Variants in CTNNA2 observed in about 807,000 individuals in gnomAD.
CTNNA2 encodes catenin alpha-2.
A neutral mutation model predicts 101.0 loss-of-function variants in CTNNA2; 42 were observed. The ratio of observed to expected loss-of-function variants is 0.42; its 90% CI spans 0.32 to 0.54. CTNNA2 has a LOEUF of 0.54. Ranked by LOEUF, CTNNA2 falls within the 20% of genes least tolerant of loss-of-function variation. CTNNA2 has a pLI of 0.14. For synonymous variants in CTNNA2, 450 were observed against 456.4 expected (o/e 0.99, Z 0.18); for missense variants, 871 against 1,223.1 (o/e 0.71, Z 4.29).
intron 1 of CTNNA2, among the ~76,000 whole-genome samples, chr2:79,190,415 C>T (rs1210701366): frequency 2.6e-5 from 4 of 151,978 alleles, no homozygotes; most frequent in Non-Finnish European, 5.9e-5. Context: ...TAAGTCTAAG[C>T]CCCATGTAAT....
At chr2:79,288,522 C>T (rs1289529519) in intron 2 of CTNNA2, among the ~76,000 whole-genome samples, 3 of 152,178 alleles carry the variant, frequency 2.0e-5, no homozygotes, top group African/African-American at 4.8e-5. Flanking sequence ...GTAGTTTCTA[C>T]TCTCACATTC....
intron 4 of CTNNA2, among the ~76,000 whole-genome samples, chr2:79,416,263 T>TTTTTTTC (rs1558662092): frequency 1.6e-4 from 13 of 82,478 alleles, no homozygotes; most frequent in African/African-American, 6.4e-4. Flanking sequence ...TTTTCTTTTT[T>TTTTTTTC]TTTTTTTTTT....
At chr2:79,322,313 C>G (rs1324068794) in intron 3 of CTNNA2, among the ~76,000 whole-genome samples, 1 of 152,140 alleles carries the variant, frequency 6.6e-6, no homozygotes, top group Non-Finnish European at 1.5e-5. Context: ...CATTGTCTTG[C>G]CATTGTCTTA....
rs112861084 is a variant in CTNNA2, at chr2:79,301,888, C to T, written c.-405-10821C>T. ...TGGATCATATTTGAGTTTAGGAGTT[C>T]GAAACCAGCCTGGCCAACAGGATGA... On this transcript the variant is annotated intron_variant, in intron 2 of 21. Transcript: ENST00000466387. Among the ~76,000 whole-genome samples the T allele has an allele frequency of 5.5e-4, 83 of 151,918 alleles. 1 individual carries two copies. The highest frequency in any genetic ancestry group is 3.3e-3 in the East Asian group (17 of 5,122).
At chr2:79,391,883 G>T (rs544961678) in intron 4 of CTNNA2, among the ~76,000 whole-genome samples, 1 of 152,100 alleles carries the variant, frequency 6.6e-6, no homozygotes, top group South Asian at 2.1e-4. Context: ...CAAAGGATTG[G>T]TTTCTCCTGA....
intron 2 of CTNNA2, among the ~76,000 whole-genome samples, chr2:79,733,555 C>T (rs749868250): frequency 6.6e-6 from 1 of 151,844 alleles, no homozygotes; most frequent in Non-Finnish European, 1.5e-5. Context: ...TTACCAGGCA[C>T]GCATTAAAGT....
At chr2:79,316,075 T>G (rs1676489905) in intron 3 of CTNNA2, among the ~76,000 whole-genome samples, 1 of 152,138 alleles carries the variant, frequency 6.6e-6, no homozygotes, top group Non-Finnish European at 1.5e-5. Flanking sequence ...CTAAAAGAGT[T>G]TCATAATTTT....
At chr2:80,273,983 G>A (rs532839742) in intron 7 of CTNNA2, among the ~76,000 whole-genome samples, 4 of 152,138 alleles carry the variant, frequency 2.6e-5, no homozygotes, top group Non-Finnish European at 5.9e-5. Flanking sequence ...GTATCCCAGT[G>A]CTTAGTGCCT....
At chr2:79,540,092 C>T (rs1444842493) in intron 1 of CTNNA2, among the ~76,000 whole-genome samples, 3 of 152,078 alleles carry the variant, frequency 2.0e-5, no homozygotes, top group Non-Finnish European at 4.4e-5. Flanking sequence ...CTGATGTTTC[C>T]CCAGAACCTT....
At chr2:80,318,025 CACTCCAGACT>C (rs1678299108) in intron 7 of CTNNA2, among the ~76,000 whole-genome samples, 1 of 152,128 alleles carries the variant, frequency 6.6e-6, no homozygotes, top group Admixed American at 6.5e-5. Flanking sequence ...GTCCCATTCT[CACTCCAGACT>C]ACCCCTCACC....
At chr2:80,046,469 C>G (rs1696532125) in intron 7 of CTNNA2, among the ~76,000 whole-genome samples, 1 of 152,182 alleles carries the variant, frequency 6.6e-6, no homozygotes, top group Non-Finnish European at 1.5e-5. Context: ...CCAAATAGCT[C>G]TCTTCCTCCT....
chr2:79,799,660 G>A (rs1298410050), intron 3 of CTNNA2, among the ~76,000 whole-genome samples: 1 of 152,110 alleles, frequency 6.6e-6, no homozygotes, highest in Non-Finnish European at 1.5e-5. Context: ...AGCTATTACC[G>A]TAGGCTTTAA....
At chr2:79,418,790 A>G (rs964386163) in intron 4 of CTNNA2, among the ~76,000 whole-genome samples, 4 of 152,144 alleles carry the variant, frequency 2.6e-5, no homozygotes, top group Non-Finnish European at 5.9e-5. Flanking sequence ...ACTCAAATTT[A>G]CTGACTGAAG....
At chr2:79,700,958 G>A (rs776154046) in intron 2 of CTNNA2, among the ~76,000 whole-genome samples, 1 of 152,036 alleles carries the variant, frequency 6.6e-6, no homozygotes, top group Non-Finnish European at 1.5e-5. Flanking sequence ...TCTATTTTTT[G>A]TTCCATTTTT....
chr2:80,151,615 G>T (rs925756828), intron 7 of CTNNA2, among the ~76,000 whole-genome samples: 1 of 152,134 alleles, frequency 6.6e-6, no homozygotes, highest in Non-Finnish European at 1.5e-5. Context: ...CAAGATCTCT[G>T]CCATTGTCTT....
chr2:79,511,819 G>A (rs1200528985), upstream of CTNNA2, among the ~76,000 whole-genome samples: 1 of 152,110 alleles, frequency 6.6e-6, no homozygotes, highest in Non-Finnish European at 1.5e-5. Context: ...AGCCATTGAT[G>A]AAGGAGAATT....
intron 15 of CTNNA2, chr2:80,602,173 A>C (rs1697609540): frequency 6.6e-6 from 1 of 152,102 alleles, no homozygotes; most frequent in Non-Finnish European, 1.5e-5. Flanking sequence ...AGTCTACAAC[A>C]TGAATTCTAA....
intron 7 of CTNNA2, among the ~76,000 whole-genome samples, chr2:80,343,364 C>A (rs1672409367): frequency 6.7e-6 from 1 of 149,886 alleles, no homozygotes; most frequent in Non-Finnish European, 1.5e-5. Flanking sequence ...TTTACCTGGG[C>A]TCCTTTGACT....
intron 7 of CTNNA2, among the ~76,000 whole-genome samples, chr2:80,360,643 T>A (rs1308509231): frequency 1.3e-5 from 2 of 152,110 alleles, no homozygotes; most frequent in African/African-American, 4.8e-5. Flanking sequence ...TCCCTGCATA[T>A]GCTTAGGGAG....
Sources: gnomAD v4.1 joint callset for allele counts (sites outside exome capture counted in the v4.1 genomes callset) on GRCh38, gnomAD v4.1.1 for gene constraint, MANE v1.5 for transcripts, NCBI Gene and HGNC (gene_info 2026-07-23, HGNC 2026-07-21) for gene names.